TNFSF11: variants seen among roughly 807,000 people sequenced by gnomAD.
TNFSF11 encodes the protein TNF superfamily member 11.
Under a neutral mutation model 32.2 loss-of-function variants are expected in TNFSF11, and 12 were observed. The observed-to-expected ratio is 0.37, with a 90% CI of 0.24 to 0.60. The LOEUF is 0.60. Ranked by LOEUF, TNFSF11 falls within the 20% of genes least tolerant of loss-of-function variation. TNFSF11 has a pLI of 0.66. For synonymous variants in TNFSF11, 172 were observed against 152.1 expected (o/e 1.13, Z -0.96); for missense variants, 345 against 398.0 (o/e 0.87, Z 1.13).
chr13:42,578,392 C>A (rs1191991979), intron 1 of TNFSF11, among the ~76,000 whole-genome samples: 2 of 152,164 alleles, frequency 1.3e-5, no homozygotes, highest in Non-Finnish European at 2.9e-5. Flanking sequence ...TGGCCTTGCA[C>A]CCTGAACCTC....
intron 2 of TNFSF11, among the ~76,000 whole-genome samples, chr13:42,597,042 C>A (rs1484833974): frequency 1.3e-5 from 2 of 152,188 alleles, no homozygotes; most frequent in Non-Finnish European, 2.9e-5. Context: ...CCAGAAGACA[C>A]CCTAAAAGTC....
intron 2 of TNFSF11, among the ~76,000 whole-genome samples, chr13:42,599,349 C>CTATCATCTATCTATCT (rs11385072): frequency 0.02 from 2,216 of 112,086 alleles, 33 homozygotes; most frequent in Middle Eastern, 0.06. Context: ...ATCTATCTAT[C>CTATCATCTATCTATCT]ATCTATCTAT....
upstream of TNFSF11, among the ~76,000 whole-genome samples, chr13:42,569,728 A>G (rs1872995433): frequency 6.6e-6 from 1 of 152,156 alleles, no homozygotes; most frequent in African/African-American, 2.4e-5. Context: ...TCCGGAGTTC[A>G]GCAAAGTGAA....
At chr13:42,600,120 A>G (rs1869087465) in intron 2 of TNFSF11, among the ~76,000 whole-genome samples, 1 of 152,138 alleles carries the variant, frequency 6.6e-6, no homozygotes, top group Admixed American at 6.5e-5. Flanking sequence ...TGAGATATGC[A>G]ATTACCTATA....
At chr13:42,587,704 T>C (rs1873963368) in intron 2 of TNFSF11, among the ~76,000 whole-genome samples, 1 of 152,204 alleles carries the variant, frequency 6.6e-6, no homozygotes, top group African/African-American at 2.4e-5. Flanking sequence ...GTTTTGTAGA[T>C]TAAAAAGAGC....
At chr13:42,569,557 A>AAAAAG (rs754111923), upstream of TNFSF11, among the ~76,000 whole-genome samples, 4 of 67,568 alleles carry the variant, frequency 5.9e-5, no homozygotes, top group South Asian at 4.6e-4. Context: ...CAAAAAAAAA[A>AAAAAG]AAAAGAAAAG....
chr13:42,564,824 T>C (rs770480836), intron 1 of TNFSF11, among the ~76,000 whole-genome samples: 10 of 152,240 alleles, frequency 6.6e-5, no homozygotes, highest in Non-Finnish European at 8.8e-5. Context: ...GCAACTCTTG[T>C]TTCAAATATC....
chr13:42,607,197 A>C lies in TNFSF11; in HGVS notation c.*279A>C. 1 of 375,376 alleles carries C rather than the reference A, an allele frequency of 2.7e-6. No homozygotes were observed. The highest frequency in any genetic ancestry group is 4.8e-6 in the Non-Finnish European group (1 of 206,224). 23.3% of individuals were successfully genotyped at this position (375,376 alleles called of 1,614,324 possible). ...CAATTACGGGGTGACCTTATGAGAA[A>C]CTGCATGTGGGCTATGGGAGGGGTT... is the stretch of plus-strand genomic sequence containing the variant. On this transcript the variant is annotated 3_prime_UTR_variant, in exon 5 of 5. Coordinates refer to ENST00000398795, the MANE Select transcript of TNFSF11 (RefSeq NM_003701.4).
chr13:42,564,856 T>G (rs1230524482), intron 1 of TNFSF11, among the ~76,000 whole-genome samples: 1 of 152,216 alleles, frequency 6.6e-6, no homozygotes, highest in East Asian at 1.9e-4. Context: ...ATTTTTTGTG[T>G]TCTTATTTTG....
At chr13:42,602,733 A>T (rs1416986620) in intron 4 of TNFSF11, among the ~76,000 whole-genome samples, 2 of 152,268 alleles carry the variant, frequency 1.3e-5, no homozygotes, top group Non-Finnish European at 2.9e-5. Flanking sequence ...ACTATTTTGC[A>T]TGTTAGCAAA....
chr13:42,604,713 GATGTTCA>G (rs1227757957), intron 4 of TNFSF11, among the ~76,000 whole-genome samples: 1 of 152,198 alleles, frequency 6.6e-6, no homozygotes, highest in Non-Finnish European at 1.5e-5. Flanking sequence ...GAAGGATGTA[GATGTTCA>G]AGGCCCACCA....
chr13:42,599,349 C>CATCATCT (rs1555310745), intron 2 of TNFSF11, among the ~76,000 whole-genome samples: 1 of 112,186 alleles, frequency 8.9e-6, no homozygotes, highest in Admixed American at 9.5e-5. Context: ...ATCTATCTAT[C>CATCATCT]ATCTATCTAT....
intron 4 of TNFSF11, among the ~76,000 whole-genome samples, chr13:42,604,292 G>A (rs1390090997): frequency 6.6e-6 from 1 of 152,232 alleles, no homozygotes; most frequent in African/African-American, 2.4e-5. Flanking sequence ...TAGTGTTCAT[G>A]AAGGTGTGAT....
At position 42,599,456 on chromosome 13, in the gene TNFSF11, TG is replaced by T. The variant is rs201183973; in HGVS notation, c.388-1292del. ...TGCATGGCCTATCTTTCAAACACCGTGGGGAGAATGGTTAGCATGAATAGTT... is the reference window on the plus strand; with the variant it reads ...TGCATGGCCTATCTTTCAAACACCGTGGGAGAATGGTTAGCATGAATAGTT... On this transcript the variant is annotated intron_variant, in intron 2 of 4. Transcript: ENST00000398795. 1.0e-2 allele frequency among the ~76,000 whole-genome samples: 1,520 copies of T among 152,166 alleles called. 20 individuals carry two copies. Among genetic ancestry groups the T allele is most frequent in the African/African-American group, 0.034 (1,428 of 41,508 alleles).
intron 2 of TNFSF11, among the ~76,000 whole-genome samples, chr13:42,596,322 A>G (rs1703446824): frequency 6.6e-6 from 1 of 151,958 alleles, no homozygotes; most frequent in South Asian, 2.1e-4. Flanking sequence ...CTGAGATCAT[A>G]TTTTCTGATG....
intron 2 of TNFSF11, among the ~76,000 whole-genome samples, chr13:42,582,354 A>G (rs1873657443): frequency 6.6e-6 from 1 of 152,256 alleles, no homozygotes; most frequent in African/African-American, 2.4e-5. Flanking sequence ...GCTGTTTTAT[A>G]AAGCCAGCTA....
rs755877981 is a variant in TNFSF11, at chr13:42,600,814, A to G, written c.433+17A>G. ...CAGAGAAAGGTAAGCATGGATCCATACATCTGTATGAAATCCCACAGGGTC... is the reference window on the plus strand; with the variant it reads ...CAGAGAAAGGTAAGCATGGATCCATGCATCTGTATGAAATCCCACAGGGTC... On this transcript the variant is annotated intron_variant, in intron 3 of 4. Transcript: ENST00000398795. The G allele has an allele frequency of 1.9e-6, 3 of 1,614,142 alleles. No individual in the cohort carries two copies. The East Asian group carries it at 6.7e-5, about 36-fold the overall frequency.
chr13:42,569,994 CATT>C (rs1257628196), upstream of TNFSF11, among the ~76,000 whole-genome samples: 1 of 151,844 alleles, frequency 6.6e-6, no homozygotes, highest in East Asian at 1.9e-4. Context: ...ATTATATTAA[CATT>C]ATGTTAACAT....
At chr13:42,573,181 T>C (rs1873132741), upstream of TNFSF11, among the ~76,000 whole-genome samples, 1 of 151,874 alleles carries the variant, frequency 6.6e-6, no homozygotes, top group Non-Finnish European at 1.5e-5. Context: ...TTTTCAAATA[T>C]TTTTGATCTG....
Sources: gnomAD v4.1 joint callset for allele counts (sites outside exome capture counted in the v4.1 genomes callset) on GRCh38, gnomAD v4.1.1 for gene constraint, MANE v1.5 for transcripts, NCBI Gene and HGNC (gene_info 2026-07-23, HGNC 2026-07-21) for gene names.